Variants in ZNF148 observed in about 807,000 individuals in gnomAD.
The protein encoded by ZNF148 is zinc finger protein 148, also known as Beta-Enolase Repressor Factor-1.
ZNF148 carries 7 observed loss-of-function variants against 67.7 expected under a neutral mutation model. The ratio of observed to expected loss-of-function variants is 0.10; its 90% CI spans 0.06 to 0.19. The LOEUF (loss-of-function observed/expected upper bound fraction) is 0.19, where lower values mean the gene tolerates loss of function less well. Ranked by LOEUF, ZNF148 falls within the 10% of genes least tolerant of loss-of-function variation. The pLI, the probability that ZNF148 is intolerant of heterozygous loss-of-function variation, is 1.00. For synonymous variants in ZNF148, 333 were observed against 330.7 expected, an observed-to-expected ratio of 1.01 and a Z score of -0.08; for missense variants, 583 against 947.1, an observed-to-expected ratio of 0.62 and a Z score of 5.05.
chr3:125,327,209 T>C (rs1037661242), intron 2 of ZNF148, among the ~76,000 whole-genome samples: 2 of 152,160 alleles, frequency 1.3e-5, no homozygotes, highest in Non-Finnish European at 1.5e-5. Flanking sequence ...ATAATAACCG[T>C]GTATGCACCT....
chr3:125,324,716 GAATA>G (rs772471592), intron 2 of ZNF148, among the ~76,000 whole-genome samples: 4 of 152,148 alleles, frequency 2.6e-5, no homozygotes, highest in Non-Finnish European at 4.4e-5. Flanking sequence ...AAGGCAAAAA[GAATA>G]AATAGTCTTT....
chr3:125,321,322 T>C (rs1940761109), intron 3 of ZNF148, among the ~76,000 whole-genome samples: 3 of 152,134 alleles, frequency 2.0e-5, no homozygotes, highest in South Asian at 4.1e-4. Flanking sequence ...TCTATTTCAA[T>C]AGCTGCTAAC....
At chr3:125,328,431 T>A (rs1157798624) in intron 2 of ZNF148, among the ~76,000 whole-genome samples, 1 of 152,050 alleles carries the variant, frequency 6.6e-6, no homozygotes, top group East Asian at 1.9e-4. Flanking sequence ...TTTGAAGTGA[T>A]GAAAATACTC....
intron 4 of ZNF148, among the ~76,000 whole-genome samples, chr3:125,288,848 T>A (rs1335975050): frequency 1.3e-5 from 2 of 152,232 alleles, no homozygotes; most frequent in African/African-American, 4.8e-5. Context: ...GAAGCAATTA[T>A]AATTTTAGGC....
At chr3:125,284,722 T>G (rs1938566922) in intron 5 of ZNF148, among the ~76,000 whole-genome samples, 1 of 152,174 alleles carries the variant, frequency 6.6e-6, no homozygotes, top group Non-Finnish European at 1.5e-5. Flanking sequence ...AGGTGTAAGC[T>G]TCTATTATGT....
intron 1 of ZNF148, chr3:125,344,897 T>G (rs1028750564): frequency 5.2e-6 from 1 of 191,028 alleles, no homozygotes; most frequent in African/African-American, 2.4e-5. Flanking sequence ...GCTCTGGATC[T>G]CCTCTCAGCT....
intron 7 of ZNF148, among the ~76,000 whole-genome samples, chr3:125,268,869 G>A (rs1222910742): frequency 2.0e-5 from 3 of 152,086 alleles, no homozygotes; most frequent in Non-Finnish European, 4.4e-5. Flanking sequence ...AAAGAAACTA[G>A]AGTTTCTGCA....
In ZNF148 at chr3:125,323,501, AAATAT is replaced by A. The variant is rs1444097726; in HGVS notation, c.-152-62_-152-58del. The stretch of plus-strand genomic sequence containing the variant: ...TTTATGGTAGGAAAAGATACTATAC[AAATAT>A]AATATGTGCAAATTGGTATGAATAC... On this transcript the variant is annotated intron_variant, in intron 2 of 8. Transcript: ENST00000360647. 6.7e-6 allele frequency: 4 copies of A among 599,684 alleles called. No individual in the cohort carries two copies. The African/African-American group carries it at 7.5e-5, about 11-fold the overall frequency. 37.1% of individuals were successfully genotyped at this position (599,684 alleles called of 1,614,324 possible).
Position 125,232,836 on chromosome 3 carries a change from A to G in ZNF148, c.1890T>C (p.Phe630=), listed in dbSNP as rs776784778. The stretch of plus-strand genomic sequence containing the variant: ...TTGGGAGGGTCTGGTTATCAGTCAC[A>G]AAGTTAAGGCTCGGGCTATTCAAAT... The part of the protein sequence containing the change: ...DAYLNSPSLN[F]VTDNQTLPNQ... Residue 630 remains phenylalanine (F), a synonymous_variant, in exon 9 of 9, where the codon TTT becomes TTC. Coordinates refer to ENST00000360647, the MANE Select transcript of ZNF148 (RefSeq NM_021964.3). The surrounding 1 kb of genome is among the most constrained non-coding windows in gnomAD (Gnocchi z 4.2). 5 of 1,613,776 alleles carry G rather than the reference A, an allele frequency of 3.1e-6. No individual in the cohort carries two copies. In the African/African-American group the frequency reaches 6.7e-5, roughly 22 times the overall value.
chr3:125,337,438 G>C (rs941863408), intron 1 of ZNF148, among the ~76,000 whole-genome samples: 5 of 152,154 alleles, frequency 3.3e-5, no homozygotes, highest in African/African-American at 4.8e-5. Flanking sequence ...TCCTTCCCCA[G>C]ATAATGTAAA....
In ZNF148 at chr3:125,350,028, T is replaced by C. The variant is rs770171417; in HGVS notation, c.-233-18790A>G. Among the ~76,000 whole-genome samples, 9 of 152,314 alleles carry C rather than the reference T, an allele frequency of 5.9e-5. No homozygotes were observed. In the South Asian group the frequency reaches 6.2e-4, roughly 11 times the overall value. On this transcript the variant is annotated intron_variant, in intron 1 of 8. Coordinates refer to ENST00000360647, the MANE Select transcript of ZNF148 (RefSeq NM_021964.3). ...AATTGTAAACCCTGTGTACTGTTCA[T>C]AGGAATGCAAAATGGTGCATAATAT...
Position 125,341,316 on chromosome 3 carries a change from T to A in ZNF148, c.-233-10078A>T, listed in dbSNP as rs867164733. 3.8e-3 allele frequency among the ~76,000 whole-genome samples: 515 copies of A among 134,718 alleles called. 2 individuals are homozygous for A. The highest frequency in any genetic ancestry group is 5.7e-3 in the Non-Finnish European group (350 of 61,312). 88.4% of individuals were successfully genotyped at this position (134,718 alleles called of 152,430 possible). A position where few individuals can be genotyped will look rare whatever the true frequency, so the allele number is the denominator to read the frequency against. ...TTCAGATACCTACTACAGAAAAATT[T>A]AAAAAAAAAAAAAAAAGCAAAGCCA... On this transcript the variant is annotated intron_variant, in intron 1 of 8. Transcript: ENST00000360647.
At chr3:125,261,914 T>C (rs186565120) in intron 7 of ZNF148, among the ~76,000 whole-genome samples, 158 of 150,672 alleles carry the variant, frequency 1.0e-3, no homozygotes, top group African/African-American at 3.7e-3. Context: ...GGATACTGTA[T>C]ACAAACTCAT....
chr3:125,304,207 G>A (rs1254315634), intron 4 of ZNF148, among the ~76,000 whole-genome samples: 1 of 152,058 alleles, frequency 6.6e-6, no homozygotes, highest in Non-Finnish European at 1.5e-5. Flanking sequence ...AATATAAGAT[G>A]TCAAAGACCA....
chr3:125,262,949 A>C (rs1937406219), intron 7 of ZNF148, among the ~76,000 whole-genome samples: 1 of 152,232 alleles, frequency 6.6e-6, no homozygotes, highest in Admixed American at 6.5e-5. Context: ...GTATTTCTCA[A>C]GCTTTGTAAA....
At chr3:125,278,999 C>T (rs1008667206) in intron 6 of ZNF148, 125 bp downstream of exon 6, 1 of 1,077,020 alleles carries the variant, frequency 9.3e-7, no homozygotes, top group South Asian at 2.8e-5. Flanking sequence ...TTCTGGCCTA[C>T]AAAATCTCTG....
At chr3:125,328,161 G>A (rs1326073224) in intron 2 of ZNF148, among the ~76,000 whole-genome samples, 1 of 152,056 alleles carries the variant, frequency 6.6e-6, no homozygotes, top group East Asian at 1.9e-4. Flanking sequence ...AGAAGCAAAA[G>A]TCAAAGTATA....
chr3:125,327,068 A>C (rs1319936222), intron 2 of ZNF148, among the ~76,000 whole-genome samples: 2 of 152,054 alleles, frequency 1.3e-5, no homozygotes, highest in African/African-American at 2.4e-5. Context: ...TGGGAAAAAA[A>C]GGATATACTA....
At chr3:125,258,843 T>C (rs1284112311) in intron 7 of ZNF148, among the ~76,000 whole-genome samples, 1 of 152,200 alleles carries the variant, frequency 6.6e-6, no homozygotes, top group Non-Finnish European at 1.5e-5. Flanking sequence ...CTTTAAAATA[T>C]ATAATAAAAC....
Sources: gnomAD v4.1 joint callset for allele counts (sites outside exome capture counted in the v4.1 genomes callset) on GRCh38, gnomAD v4.1.1 for gene constraint, Gnocchi (gnomAD v3.1) non-coding constraint, MANE v1.5 for transcripts, NCBI Gene and HGNC (gene_info 2026-07-23, HGNC 2026-07-21) for gene names.